CDH18: variants seen among roughly 807,000 people sequenced by gnomAD.
CDH18 encodes cadherin 18.
Under a neutral mutation model 67.9 loss-of-function variants are expected in CDH18, and 31 were observed. The observed-to-expected ratio is 0.46, with a 90% CI of 0.34 to 0.62. CDH18 has a LOEUF of 0.62. CDH18 is among the 20% of genes least tolerant of loss of function. CDH18 has a pLI of 0.01. For synonymous variants in CDH18, 362 were observed against 347.2 expected (o/e 1.04, Z -0.48); for missense variants, 890 against 975.5 (o/e 0.91, Z 1.17).
At chr5:20,166,068 G>A (rs1198886403) in intron 2 of CDH18, among the ~76,000 whole-genome samples, 1 of 151,986 alleles carries the variant, frequency 6.6e-6, no homozygotes. Context: ...TGCCCTACCA[G>A]GAATCCTTGT....
Position 19,540,096 on chromosome 5 carries a change from T to C in CDH18, c.1390+3773A>G, listed in dbSNP as rs571463518. ...CAAATTAGTTACTTCCTAGACACAA[T>C]GGGGGTCTAGGAATTAAGTAAATAT... On this transcript the variant is annotated intron_variant, in intron 9 of 12. Transcript: ENST00000382275. 4.8e-5 allele frequency among the ~76,000 whole-genome samples: 7 copies of C among 144,818 alleles called. No homozygotes were observed. The South Asian group carries it at 1.0e-3, about 22-fold the overall frequency.
chr5:19,860,703 C>A (rs191203293), intron 2 of CDH18, among the ~76,000 whole-genome samples: 53 of 151,818 alleles, frequency 3.5e-4, no homozygotes, highest in African/African-American at 1.3e-3. Flanking sequence ...TTAAACATCC[C>A]ACTATAATTT....
chr5:20,154,458 T>C (rs1751367561), intron 2 of CDH18, among the ~76,000 whole-genome samples: 1 of 152,170 alleles, frequency 6.6e-6, no homozygotes, highest in African/African-American at 2.4e-5. Context: ...TCCCAAACAA[T>C]ATCTCACTTA....
chr5:19,826,863 A>T (rs1780464967), intron 3 of CDH18, among the ~76,000 whole-genome samples: 1 of 152,162 alleles, frequency 6.6e-6, no homozygotes, highest in Non-Finnish European at 1.5e-5. Context: ...AAATGACAGG[A>T]TGAAACCTGC....
At chr5:19,919,591 A>G (rs1792212092) in intron 2 of CDH18, among the ~76,000 whole-genome samples, 1 of 152,232 alleles carries the variant, frequency 6.6e-6, no homozygotes, top group South Asian at 2.1e-4. Flanking sequence ...CACATTTGAT[A>G]TCAGAAATAT....
chr5:19,738,867 T>G (rs953155008), intron 4 of CDH18, among the ~76,000 whole-genome samples: 1 of 152,156 alleles, frequency 6.6e-6, no homozygotes, highest in Non-Finnish European at 1.5e-5. Flanking sequence ...CATAGGTATA[T>G]GCACATCCTG....
Position 19,571,795 on chromosome 5 carries a change from T to G in CDH18, c.1037A>C (p.Asn346Thr), listed in dbSNP as rs150989071. ...NYEKKKSYTL[N>T]IEGANTHLDF... is the part of the protein sequence containing the mutation. ...AAGATGTGTATTTGCTCCTTCTATG[T>G]TGAGGGTATATGACTTCTTTTTCTC... The change falls in exon 8 of 13, where the codon AAC becomes ACC. Residue 346 changes from asparagine (N) to threonine (T), a missense_variant. Coordinates refer to ENST00000382275, the MANE Select transcript of CDH18 (RefSeq NM_004934.5). 1,046 of 1,613,612 alleles carry G rather than the reference T, an allele frequency of 6.5e-4. 1 individual carries two copies. The highest frequency in any genetic ancestry group is 3.8e-3 in the Middle Eastern group (23 of 6,062).
intron 5 of CDH18, among the ~76,000 whole-genome samples, chr5:19,668,796 T>C (rs908598585): frequency 4.6e-5 from 7 of 152,216 alleles, no homozygotes; most frequent in South Asian, 4.1e-4. Flanking sequence ...GAAACATTCA[T>C]ACTAGTGCAA....
intron 1 of CDH18, among the ~76,000 whole-genome samples, chr5:20,359,837 G>A (rs1012021566): frequency 1.3e-5 from 2 of 151,854 alleles, no homozygotes; most frequent in African/African-American, 4.8e-5. Context: ...GGATAAAAAC[G>A]ACCCAGTGAA....
In CDH18 at chr5:20,172,224, G is replaced by GTATA. The variant is rs72180276; in HGVS notation, c.-518+83216_-518+83219dup. 2.2e-3 allele frequency among the ~76,000 whole-genome samples: 42 copies of GTATA among 19,524 alleles called. 3 individuals are homozygous for GTATA. The highest frequency in any genetic ancestry group is 3.6e-3 in the Non-Finnish European group (38 of 10,656). The allele number at this position is 19,524 out of a possible 152,430, so 12.8% of individuals were successfully genotyped here. A position where few individuals can be genotyped will look rare whatever the true frequency, so the allele number is the denominator to read the frequency against. On this transcript the variant is annotated intron_variant, in intron 2 of 14. Transcript: ENST00000507958. ...TATATATATATATATATATATATAT[G>GTATA]TATATATATATATATGTATATATAT...
intron 3 of CDH18, among the ~76,000 whole-genome samples, chr5:19,805,447 T>G (rs1322247614): frequency 1.3e-5 from 2 of 152,150 alleles, no homozygotes; most frequent in African/African-American, 4.8e-5. Context: ...AGAATTCCAT[T>G]CTGAATAAGA....
At chr5:19,684,598 AG>A (rs1172541171) in intron 5 of CDH18, among the ~76,000 whole-genome samples, 4 of 151,636 alleles carry the variant, frequency 2.6e-5, no homozygotes, top group Non-Finnish European at 4.4e-5. Flanking sequence ...TTTAATTTTT[AG>A]AGTCTTCTAC....
intron 3 of CDH18, among the ~76,000 whole-genome samples, chr5:19,779,982 T>C (rs1774908654): frequency 6.6e-6 from 1 of 152,186 alleles, no homozygotes; most frequent in South Asian, 2.1e-4. Context: ...TAAAATTATA[T>C]ATCATGCTAA....
At chr5:19,520,839 A>T (rs543824134) in intron 9 of CDH18, 61 bp from the exon 10 acceptor site, 6 of 1,567,838 alleles carry the variant, frequency 3.8e-6, no homozygotes, top group African/African-American at 2.7e-5. Context: ...CTCGGTTTAA[A>T]ACAAATCTCT....
intron 2 of CDH18, among the ~76,000 whole-genome samples, chr5:20,123,990 A>T (rs6451667): frequency 0.85 from 129,888 of 152,118 alleles, 56,736 homozygotes; most frequent in Non-Finnish European, 0.94. Flanking sequence ...AACAGACATG[A>T]ACATACAGTA....
chr5:20,430,356 A>T (rs1351962473), intron 1 of CDH18, among the ~76,000 whole-genome samples: 1 of 152,132 alleles, frequency 6.6e-6, no homozygotes, highest in Non-Finnish European at 1.5e-5. Context: ...CATCATTCAC[A>T]GATAGGTAAA....
rs549147269 is a variant in CDH18, at chr5:20,127,607, A to G, written c.-518+127837T>C. On this transcript the variant is annotated intron_variant, in intron 2 of 14. Transcript: ENST00000507958. ...ATGAGCCAGTCACAGAAGGGCAAACACTGCATGATTTTACTTAGGCAAGTT... is the reference window on the plus strand; with the variant it reads ...ATGAGCCAGTCACAGAAGGGCAAACGCTGCATGATTTTACTTAGGCAAGTT... Among the ~76,000 whole-genome samples the G allele has an allele frequency of 3.5e-4, 54 of 152,232 alleles. 2 individuals carry two copies. The South Asian group carries it at 0.011, about 30-fold the overall frequency.
intron 2 of CDH18, among the ~76,000 whole-genome samples, chr5:19,922,507 C>A (rs112929850): frequency 6.6e-6 from 1 of 152,210 alleles, no homozygotes; most frequent in South Asian, 2.1e-4. Context: ...AATATTATAT[C>A]TTTGATCCTG....
intron 3 of CDH18, among the ~76,000 whole-genome samples, chr5:19,780,940 G>A (rs1312936851): frequency 6.6e-6 from 1 of 152,088 alleles, no homozygotes; most frequent in East Asian, 1.9e-4. Flanking sequence ...AAGGCCTGCT[G>A]AAGTGGTTTC....
Sources: allele counts gnomAD v4.1 joint callset (sites outside exome capture counted in the v4.1 genomes callset), GRCh38; gene constraint gnomAD v4.1.1; transcripts MANE v1.5; gene names NCBI Gene and HGNC (gene_info 2026-07-23, HGNC 2026-07-21).